The following MYH14 variants were observed in gnomAD, a reference collection of about 807,000 sequenced individuals.
MYH14 encodes myosin heavy chain 14, also known as myosin-14.
In MYH14, 123 loss-of-function variants were observed where a neutral mutation model predicts 255.5. The observed-to-expected ratio is 0.48, with a 90% CI of 0.42 to 0.56. The LOEUF is 0.56. MYH14 is among the 20% of genes least tolerant of loss of function. The pLI, the probability that MYH14 is intolerant of heterozygous loss-of-function variation, is 0.00. For synonymous variants in MYH14, 1,095 were observed against 1,161.2 expected (o/e 0.94, Z 1.16); for missense variants, 2,423 against 2,802.3 (o/e 0.86, Z 3.06).
At chr19:50,218,099 C>T (rs1037141776) in intron 3 of MYH14, among the ~76,000 whole-genome samples, 6 of 151,990 alleles carry the variant, frequency 3.9e-5, no homozygotes, top group South Asian at 4.2e-4. Context: ...TGGGCTCAAG[C>T]GATTCTCGTG....
intron 5 of MYH14, 36 bp downstream of exon 5, chr19:50,223,385 GC>G: frequency 7.3e-7 from 1 of 1,372,664 alleles, no homozygotes; most frequent in East Asian, 2.5e-5. Flanking sequence ...CCCGGGCCCT[GC>G]CACAGCACTG....
rs545216576 is a variant in MYH14, at chr19:50,307,028, C to A, written c.5679-21C>A. ...TAGGTTGAGCCCCTCTACTGAGACTCCTCCTCATCCCTCTCTTCAGAGAGC... is the reference window on the plus strand; with the variant it reads ...TAGGTTGAGCCCCTCTACTGAGACTACTCCTCATCCCTCTCTTCAGAGAGC... On this transcript the variant is annotated intron_variant, in intron 40 of 42. Transcript: ENST00000642316. The A allele has an allele frequency of 3.9e-5, 59 of 1,527,512 alleles. No homozygotes were observed. The Admixed American group carries it at 5.7e-4, about 15-fold the overall frequency. 94.6% of individuals were successfully genotyped at this position (1,527,512 alleles called of 1,614,324 possible).
rs371034584 is a variant in MYH14, at chr19:50,293,546, G to A, written c.5346-18G>A. On this transcript the variant is annotated intron_variant, in intron 38 of 42. Coordinates refer to ENST00000642316, the MANE Select transcript of MYH14 (RefSeq NM_001145809.2). This position sits in a 1 kb window ranked among gnomAD's most constrained non-coding sequence, Gnocchi z 4.1. ...GACCATCCTGTCCTTTCATCCCCAC[G>A]CCTTCCTGTCTCCCTAGGGCAGCCA... is the stretch of plus-strand genomic sequence containing the variant. The A allele has an allele frequency of 2.6e-5, 42 of 1,611,876 alleles. No individual in the cohort carries two copies. The highest frequency in any genetic ancestry group is 3.1e-5 in the Non-Finnish European group (37 of 1,179,208).
intron 29 of MYH14, 139 bp from the exon 30 acceptor site, chr19:50,277,944 G>A (rs1039804908): frequency 2.9e-5 from 16 of 558,196 alleles, no homozygotes; most frequent in Non-Finnish European, 4.5e-5. Flanking sequence ...TTGGGAGTGA[G>A]GGGTGAGCTA....
chr19:50,250,333 C>T lies in MYH14; in HGVS notation c.1657-182C>T, dbSNP rs1028851623. On this transcript the variant is annotated intron_variant, in intron 14 of 42. Coordinates refer to ENST00000642316, the MANE Select transcript of MYH14 (RefSeq NM_001145809.2). The surrounding 1 kb of genome is among the most constrained non-coding windows in gnomAD (Gnocchi z 5.4). Reference sequence around the variant, plus strand: ...AGCCAGGATGGTCTCGATCTCCTGACCTCGTGATCTACCCGCCTCGGCCTC... The same window carrying T: ...AGCCAGGATGGTCTCGATCTCCTGATCTCGTGATCTACCCGCCTCGGCCTC... Among the ~76,000 whole-genome samples, 5 of 150,750 alleles carry T rather than the reference C, an allele frequency of 3.3e-5. No individual in the cohort carries two copies. The highest frequency in any genetic ancestry group is 7.4e-5 in the Non-Finnish European group (5 of 67,642).
chr19:50,248,591 C>G (rs190066706), intron 12 of MYH14, among the ~76,000 whole-genome samples: 1 of 152,274 alleles, frequency 6.6e-6, no homozygotes, highest in Non-Finnish European at 1.5e-5. Flanking sequence ...GTTGTTAGTT[C>G]CCATTTTACA....
At chr19:50,264,258 G>C (rs2035002660) in intron 22 of MYH14, among the ~76,000 whole-genome samples, 1 of 152,074 alleles carries the variant, frequency 6.6e-6, no homozygotes, top group Non-Finnish European at 1.5e-5. Context: ...TTGATGTCCA[G>C]CGTTTTTCCT....
intron 10 of MYH14, among the ~76,000 whole-genome samples, chr19:50,240,367 C>G (rs544962121): frequency 6.6e-6 from 1 of 151,982 alleles, no homozygotes; most frequent in Non-Finnish European, 1.5e-5. Context: ...TCGCTTGAGC[C>G]GGGGAATTTG....
chr19:50,241,263 C>T (rs1299713836), intron 10 of MYH14, among the ~76,000 whole-genome samples: 14 of 151,996 alleles, frequency 9.2e-5, no homozygotes, highest in African/African-American at 2.2e-4. Context: ...GATGAAACCC[C>T]GTCTCTACTA....
chr19:50,216,477 A>C (rs533667890), intron 2 of MYH14, among the ~76,000 whole-genome samples: 3 of 152,042 alleles, frequency 2.0e-5, no homozygotes, highest in Non-Finnish European at 4.4e-5. Flanking sequence ...ATTGACACAC[A>C]CTTGTGATCC....
intron 8 of MYH14, among the ~76,000 whole-genome samples, chr19:50,229,352 C>T (rs1156421033): frequency 6.6e-6 from 1 of 152,102 alleles, no homozygotes; most frequent in Non-Finnish European, 1.5e-5. Context: ...TTTTGTTTTA[C>T]TCTAAGATGT....
At chr19:50,255,541 T>C (rs184269422) in intron 17 of MYH14, among the ~76,000 whole-genome samples, 140 of 152,316 alleles carry the variant, frequency 9.2e-4, no homozygotes, top group African/African-American at 3.2e-3. Context: ...ACAAGCGTGA[T>C]AGTACCAGCT....
At chr19:50,224,200 G>A (rs1352632215) in intron 6 of MYH14, 23 bp downstream of exon 6, 2 of 1,613,700 alleles carry the variant, frequency 1.2e-6, no homozygotes, top group South Asian at 2.2e-5. Context: ...GGATCACCTC[G>A]AGTCTTGCTG....
intron 24 of MYH14, 116 bp downstream of exon 24, chr19:50,268,483 C>G (rs1399253037): frequency 8.5e-7 from 1 of 1,173,766 alleles, no homozygotes; most frequent in Non-Finnish European, 1.2e-6. Context: ...AAACTCAGTT[C>G]TAAGTGAATT....
Position 50,268,279 on chromosome 19 carries a change from T to C in MYH14, c.2945T>C (p.Val982Ala). 1 of 1,583,794 alleles carries C rather than the reference T, an allele frequency of 6.3e-7. No individual in the cohort carries two copies. Among genetic ancestry groups the C allele is most frequent in the African/African-American group, 1.3e-5 (1 of 74,310 alleles). ...AARKQELELVVSELEARVGEE... is the reference protein window; with the variant it reads ...AARKQELELVASELEARVGEE... ...CGCAAGCAGGAGCTGGAGCTGGTGG[T>C]GTCAGAGCTGGAGGCTCGCGTGGGC... is the stretch of plus-strand genomic sequence containing the variant. The change falls in exon 24 of 43, where the codon GTG (valine) becomes GCG (alanine). Residue 982 changes from valine to alanine, a missense_variant. Val to Ala is a moderately conservative substitution (Grantham distance 64). This residue lies in a region of MYH14 where 1,513 missense variants were observed against 1,674.8 expected (regional missense o/e 0.90). Transcript: ENST00000642316.
chr19:50,260,755 GTGTGTGCGTGCA>G (rs781268272), intron 20 of MYH14, 40 bp downstream of exon 20: 3 of 1,471,790 alleles, frequency 2.0e-6, no homozygotes, highest in South Asian at 1.1e-5. Flanking sequence ...GTGCGTGTGT[GTGTGTGCGTGCA>G]TGAGTGTGCG....
chr19:50,230,461 T>C lies in MYH14; in HGVS notation c.875-64T>C. 1 of 1,424,610 alleles carries C rather than the reference T, an allele frequency of 7.0e-7. No individual in the cohort carries two copies. Among genetic ancestry groups the C allele is most frequent in the Non-Finnish European group, 9.7e-7 (1 of 1,033,242 alleles). 88.2% of individuals were successfully genotyped at this position (1,424,610 alleles called of 1,614,324 possible). A position where few individuals can be genotyped will look rare whatever the true frequency, so the allele number is the denominator to read the frequency against. Reference sequence around the variant, plus strand: ...GGGCAGCGTGGGCAGGGCAGGCTCCTGTAGTGGCCTGGCAGCGTCGGGGCC... The same window carrying C: ...GGGCAGCGTGGGCAGGGCAGGCTCCCGTAGTGGCCTGGCAGCGTCGGGGCC... On this transcript the variant is annotated intron_variant, in intron 8 of 42. Coordinates refer to ENST00000642316, the MANE Select transcript of MYH14 (RefSeq NM_001145809.2). This position sits in a 1 kb window ranked among gnomAD's most constrained non-coding sequence, Gnocchi z 4.7.
At chr19:50,233,738 C>T (rs1467821518) in intron 10 of MYH14, among the ~76,000 whole-genome samples, 1 of 151,988 alleles carries the variant, frequency 6.6e-6, no homozygotes, top group East Asian at 1.9e-4. Flanking sequence ...TCGCATCACC[C>T]GATCTCTGCT....
chr19:50,247,128 C>T lies in MYH14; in HGVS notation c.1329+6C>T, dbSNP rs755087158. On this transcript the variant is annotated splice_donor_region_variant and intron_variant, in intron 12 of 42. Transcript: ENST00000642316. ...AAGCCCAGACTAAGGAACAGGTAGGCGGGGCTGGCGGTGGGCAGGCACAGA... is the reference window on the plus strand; with the variant it reads ...AAGCCCAGACTAAGGAACAGGTAGGTGGGGCTGGCGGTGGGCAGGCACAGA... 21 of 1,599,568 alleles carry T rather than the reference C, an allele frequency of 1.3e-5. No individual in the cohort carries two copies. Among genetic ancestry groups the T allele is most frequent in the Non-Finnish European group, 1.8e-5 (21 of 1,168,262 alleles).
Sources: gnomAD v4.1 joint callset for allele counts (sites outside exome capture counted in the v4.1 genomes callset) on GRCh38, gnomAD v4.1.1 for gene constraint, gnomAD v4.1.1 regional missense constraint, Gnocchi (gnomAD v3.1) non-coding constraint, MANE v1.5 for transcripts, NCBI Gene and HGNC (gene_info 2026-07-23, HGNC 2026-07-21) for gene names.